MYO1B: variants seen among roughly 807,000 people sequenced by gnomAD.
MYO1B encodes the protein myosin IB, also known as unconventional myosin-Ib.
MYO1B carries 72 observed loss-of-function variants against 159.7 expected under a neutral mutation model. The observed-to-expected ratio is 0.45, with a 90% confidence interval of 0.37 to 0.55. The LOEUF is 0.55. Ranked by LOEUF, MYO1B falls within the 20% of genes least tolerant of loss-of-function variation. MYO1B has a pLI of 0.00. For missense variants in MYO1B, 1,062 were observed against 1,364.8 expected (o/e 0.78, Z 3.50); for synonymous variants, 468 against 473.8 (o/e 0.99, Z 0.16).
chr2:191,384,315 T>C (rs1695274191), intron 15 of MYO1B, among the ~76,000 whole-genome samples: 1 of 152,214 alleles, frequency 6.6e-6, no homozygotes, highest in African/African-American at 2.4e-5. Context: ...GCAAGACCAG[T>C]TTAGTGAGAT....
chr2:191,391,127 A>T (rs1695723581), intron 18 of MYO1B, among the ~76,000 whole-genome samples: 1 of 152,220 alleles, frequency 6.6e-6, no homozygotes, highest in Non-Finnish European at 1.5e-5. Flanking sequence ...CTGTGTACTG[A>T]CGGGCGGCTG....
intron 1 of MYO1B, among the ~76,000 whole-genome samples, chr2:191,253,784 T>C (rs1686272859): frequency 6.6e-6 from 1 of 152,210 alleles, no homozygotes; most frequent in South Asian, 2.1e-4. Context: ...GGGGCTTTTT[T>C]CTTTAATTTT....
At chr2:191,272,396 G>C (rs1574308975) in intron 1 of MYO1B, among the ~76,000 whole-genome samples, 1 of 152,188 alleles carries the variant, frequency 6.6e-6, no homozygotes, top group Admixed American at 6.5e-5. Context: ...CCTGGCCTTG[G>C]TACTTTGCAG....
intron 13 of MYO1B, among the ~76,000 whole-genome samples, chr2:191,380,261 A>G (rs1414432449): frequency 6.6e-6 from 1 of 152,232 alleles, no homozygotes; most frequent in East Asian, 1.9e-4. Context: ...TTAAAGATCA[A>G]CTTTCAGAAG....
At chr2:191,255,998 C>T (rs1300406868) in intron 1 of MYO1B, among the ~76,000 whole-genome samples, 2 of 152,192 alleles carry the variant, frequency 1.3e-5, no homozygotes, top group Admixed American at 6.5e-5. Context: ...TCTCAGCCTT[C>T]TCCACTCTCC....
At chr2:191,408,080 C>T in intron 24 of MYO1B, 35 bp from the exon 25 acceptor site, 1 of 1,457,494 alleles carries the variant, frequency 6.9e-7, no homozygotes, top group Non-Finnish European at 9.6e-7. Context: ...ACCAGCCACA[C>T]ATTAACCACT....
At chr2:191,374,851 A>G (rs562004683) in intron 13 of MYO1B, among the ~76,000 whole-genome samples, 1 of 152,328 alleles carries the variant, frequency 6.6e-6, no homozygotes, top group South Asian at 2.1e-4. Context: ...AACTGAAAAG[A>G]TGGTCTGTGA....
intron 2 of MYO1B, among the ~76,000 whole-genome samples, chr2:191,295,805 A>G (rs1471274021): frequency 6.6e-6 from 1 of 152,198 alleles, no homozygotes; most frequent in Non-Finnish European, 1.5e-5. Flanking sequence ...GTTTGTGACA[A>G]AATTTGTGGA....
intron 2 of MYO1B, among the ~76,000 whole-genome samples, chr2:191,283,886 C>T (rs1688210556): frequency 6.6e-6 from 1 of 152,206 alleles, no homozygotes; most frequent in Admixed American, 6.5e-5. Flanking sequence ...GACAAATAAT[C>T]AAAATGATAA....
Position 191,363,873 on chromosome 2 carries a change from A to G in MYO1B, c.911A>G (p.Asn304Ser). The G allele has an allele frequency of 6.2e-7, 1 of 1,613,318 alleles. No homozygotes were observed. The highest frequency in any genetic ancestry group is 8.5e-7 in the Non-Finnish European group (1 of 1,179,642). ...GLDESKIKDKNELKEICELTG... is the reference protein window; with the variant it reads ...GLDESKIKDKSELKEICELTG... ...GATGAAAGCAAAATCAAAGATAAAA[A>G]TGGTACATCCGTGGAGAATCAACTT... Residue 304 changes from asparagine to serine, a missense_variant and splice_region_variant, in exon 10 of 31, where the codon AAT becomes AGT. Asn to Ser is a conservative substitution (Grantham distance 46). Transcript: ENST00000392318.
intron 30 of MYO1B, among the ~76,000 whole-genome samples, chr2:191,419,103 G>T (rs778131810): frequency 9.2e-5 from 14 of 152,298 alleles, no homozygotes; most frequent in Non-Finnish European, 1.6e-4. Context: ...GCTGCTGCTG[G>T]TGTAAACAAA....
chr2:191,382,907 A>G (rs553226439), intron 14 of MYO1B, among the ~76,000 whole-genome samples: 1 of 152,328 alleles, frequency 6.6e-6, no homozygotes, highest in Admixed American at 6.5e-5. Context: ...AATTCTTGGG[A>G]TCAAGTTCTA....
intron 1 of MYO1B, chr2:191,263,202 A>G: frequency 2.9e-6 from 1 of 341,226 alleles, no homozygotes; most frequent in South Asian, 1.2e-4. Context: ...CCTGTATGGA[A>G]GCTGAGGCTG....
intron 13 of MYO1B, among the ~76,000 whole-genome samples, chr2:191,375,560 G>A (rs1049375942): frequency 1.2e-4 from 18 of 151,914 alleles, no homozygotes; most frequent in Admixed American, 4.6e-4. Flanking sequence ...TCCCAGAGCC[G>A]GGCACTCCTC....
At chr2:191,315,490 C>T (rs1274267193) in intron 3 of MYO1B, among the ~76,000 whole-genome samples, 1 of 152,124 alleles carries the variant, frequency 6.6e-6, no homozygotes, top group Non-Finnish European at 1.5e-5. Context: ...GATGAGACCC[C>T]AGTGAAAGTT....
chr2:191,422,808 A>T (rs1340881455), intron 30 of MYO1B, among the ~76,000 whole-genome samples: 1 of 152,160 alleles, frequency 6.6e-6, no homozygotes, highest in Non-Finnish European at 1.5e-5. Context: ...CAATTTGTTG[A>T]TAATTTAATA....
At chr2:191,356,556 C>A (rs531670472) in intron 7 of MYO1B, among the ~76,000 whole-genome samples, 2 of 152,024 alleles carry the variant, frequency 1.3e-5, no homozygotes, top group African/African-American at 4.8e-5. Context: ...CATACGTTTA[C>A]CATGAAAAAA....
intron 30 of MYO1B, among the ~76,000 whole-genome samples, chr2:191,423,179 T>A (rs1340267649): frequency 1.3e-5 from 2 of 152,162 alleles, no homozygotes; most frequent in Non-Finnish European, 1.5e-5. Flanking sequence ...CATCATAGAG[T>A]GTGTACTTAC....
chr2:191,280,500 C>T (rs927378168), intron 2 of MYO1B, among the ~76,000 whole-genome samples: 1 of 152,164 alleles, frequency 6.6e-6, no homozygotes, highest in South Asian at 2.1e-4. Context: ...TCCCGCATCG[C>T]GCTGGCTAGA....
Sources: gnomAD v4.1 joint callset for allele counts (sites outside exome capture counted in the v4.1 genomes callset) on GRCh38, gnomAD v4.1.1 for gene constraint, MANE v1.5 for transcripts, NCBI Gene and HGNC (gene_info 2026-07-23, HGNC 2026-07-21) for gene names.